TRPM3: variants seen among roughly 807,000 people sequenced by gnomAD.
TRPM3 encodes the protein transient receptor potential cation channel subfamily M member 3.
A neutral mutation model predicts 181.2 loss-of-function variants in TRPM3; 77 were observed. The observed-to-expected ratio is 0.42, with a 90% CI of 0.35 to 0.51. TRPM3 has a LOEUF of 0.51. TRPM3 is among the 20% of genes least tolerant of loss of function. The probability of loss-of-function intolerance (pLI) is 0.01; values close to 1 mark genes in which losing one functional copy is unlikely to be tolerated. For missense variants in TRPM3, 1,759 were observed against 2,196.7 expected (o/e 0.80, Z 3.98); for synonymous variants, 745 against 796.4 (o/e 0.94, Z 1.09).
intron 6 of TRPM3, among the ~76,000 whole-genome samples, chr9:70,796,611 A>G (rs983709166): frequency 1.4e-4 from 22 of 152,336 alleles, no homozygotes; most frequent in African/African-American, 5.1e-4. Flanking sequence ...TAAATTTGTC[A>G]ATCAACTATG....
intron 1 of TRPM3, among the ~76,000 whole-genome samples, chr9:71,041,984 A>G (rs2058878654): frequency 6.6e-6 from 1 of 152,202 alleles, no homozygotes; most frequent in Non-Finnish European, 1.5e-5. Flanking sequence ...TACCAATTTC[A>G]TGTGAGGTAC....
In TRPM3 at chr9:71,238,731, T is replaced by C. The variant is rs557878248; in HGVS notation, c.183+207922A>G. On this transcript the variant is annotated intron_variant, in intron 1 of 24. Transcript: ENST00000357533. ...GCCATGTGAAGGTTGTCAAGAAAAC[T>C]TATGAATACATTTAAGGGTAAGGGG... 8.5e-5 allele frequency among the ~76,000 whole-genome samples: 13 copies of C among 152,286 alleles called. 1 individual carries two copies. Among genetic ancestry groups the C allele is most frequent in the African/African-American group, 3.1e-4 (13 of 41,572 alleles).
rs559369963 is a variant in TRPM3, at chr9:71,281,955, G to A, written c.183+164698C>T. On this transcript the variant is annotated intron_variant, in intron 1 of 24. Coordinates refer to the TRPM3 transcript ENST00000357533. ...ACATGCCTGTAATCCTGGCTACTCGGGAGGCTGAGGCAGGAGAATCACTTG... is the reference window on the plus strand; with the variant it reads ...ACATGCCTGTAATCCTGGCTACTCGAGAGGCTGAGGCAGGAGAATCACTTG... 4.6e-5 allele frequency among the ~76,000 whole-genome samples: 7 copies of A among 152,220 alleles called. No individual in the cohort carries two copies. The South Asian group carries it at 1.5e-3, about 32-fold the overall frequency.
chr9:71,121,370 A>T lies in TRPM3; in HGVS notation c.-16T>A. 2 of 1,611,966 alleles carry T rather than the reference A, an allele frequency of 1.2e-6. No homozygotes were observed. The highest frequency in any genetic ancestry group is 1.7e-6 in the Non-Finnish European group (2 of 1,179,262). On this transcript the variant is annotated 5_prime_UTR_variant, in exon 1 of 26. Transcript: ENST00000677713. ...GCTCTGGCATCCCATGGTCATCTCC[A>T]CACCTGCAAATTCCATTAGGGCAGA...
At chr9:70,776,913 C>T (rs1478643101) in intron 7 of TRPM3, among the ~76,000 whole-genome samples, 5 of 152,162 alleles carry the variant, frequency 3.3e-5, no homozygotes, top group African/African-American at 7.2e-5. Context: ...TATACAGTTT[C>T]GTGGGCCCCA....
intron 1 of TRPM3, among the ~76,000 whole-genome samples, chr9:71,229,880 T>G: frequency 6.6e-6 from 1 of 151,938 alleles, no homozygotes. Context: ...TTTGGAGGTT[T>G]CTCAAAAAAC....
intron 1 of TRPM3, among the ~76,000 whole-genome samples, chr9:71,410,311 A>T (rs1004628681): frequency 2.5e-4 from 38 of 151,884 alleles, no homozygotes; most frequent in South Asian, 1.3e-3. Flanking sequence ...AAAAAAATCA[A>T]TGAATCCAGG....
chr9:71,280,307 G>A (rs1181384296), intron 1 of TRPM3, among the ~76,000 whole-genome samples: 1 of 152,114 alleles, frequency 6.6e-6, no homozygotes. Context: ...TTTCATTAGG[G>A]AAGTCTCATT....
At chr9:71,044,915 C>T (rs1290120583) in intron 1 of TRPM3, among the ~76,000 whole-genome samples, 1 of 152,094 alleles carries the variant, frequency 6.6e-6, no homozygotes, top group Non-Finnish European at 1.5e-5. Context: ...TCGTGATCCA[C>T]CCGCCTCGGC....
At chr9:71,027,000 C>T (rs1287133054) in intron 1 of TRPM3, among the ~76,000 whole-genome samples, 1 of 152,196 alleles carries the variant, frequency 6.6e-6, no homozygotes, top group East Asian at 1.9e-4. Context: ...GCTTGTGGCA[C>T]ATGCAAACAA....
intron 1 of TRPM3, among the ~76,000 whole-genome samples, chr9:71,096,159 T>G (rs2067152898): frequency 6.6e-6 from 1 of 151,818 alleles, no homozygotes; most frequent in Non-Finnish European, 1.5e-5. Flanking sequence ...GCTCCCATCT[T>G]AAAATAGACC....
At chr9:70,947,079 C>T (rs1292319061) in intron 1 of TRPM3, among the ~76,000 whole-genome samples, 1 of 152,144 alleles carries the variant, frequency 6.6e-6, no homozygotes, top group Non-Finnish European at 1.5e-5. Flanking sequence ...TGGCATATAC[C>T]TATGAGTGAA....
At chr9:71,101,579 T>A (rs527533832) in intron 1 of TRPM3, among the ~76,000 whole-genome samples, 1 of 152,224 alleles carries the variant, frequency 6.6e-6, no homozygotes, top group East Asian at 1.9e-4. Flanking sequence ...AATTGGCACA[T>A]AGCTGTGTTG....
chr9:70,616,181 C>T (rs191714267), intron 17 of TRPM3, 106 bp from the exon 18 acceptor site: 29 of 806,788 alleles, frequency 3.6e-5, no homozygotes, highest in Middle Eastern at 3.8e-4. Flanking sequence ...AGAGTGTATG[C>T]GTGTGTGTGT....
rs568399598 is a variant in TRPM3, at chr9:70,686,483, C to T, written c.1273-4905G>A. Among the ~76,000 whole-genome samples the T allele has an allele frequency of 5.3e-5, 8 of 152,200 alleles. No homozygotes were observed. The East Asian group carries it at 1.4e-3, about 26-fold the overall frequency. ...TATTATTCTGATTTTACTCTCAGGG[C>T]CCTTTCCTGTTCCCTGCCTTTATTT... On this transcript the variant is annotated intron_variant, in intron 8 of 25. Coordinates refer to ENST00000677713, the MANE Select transcript of TRPM3 (RefSeq NM_001366145.2).
Position 71,154,947 on chromosome 9 carries a change from C to T in TRPM3, c.184-290436G>A, listed in dbSNP as rs192411600. Among the ~76,000 whole-genome samples the T allele has an allele frequency of 4.8e-4, 73 of 152,234 alleles. 1 individual carries two copies. The highest frequency in any genetic ancestry group is 4.5e-3 in the Admixed American group (68 of 15,278). ...AACAAACTCACACAAAAAGCATTATCTTAAACTTTTTTTGACAGTCTAAAA... is the reference window on the plus strand; with the variant it reads ...AACAAACTCACACAAAAAGCATTATTTTAAACTTTTTTTGACAGTCTAAAA... On this transcript the variant is annotated intron_variant, in intron 1 of 24. Transcript: ENST00000357533.
chr9:71,410,650 C>T lies in TRPM3; in HGVS notation c.183+36003G>A, dbSNP rs182174996. ...CAACCAAAAAAAATCCAGGCCCAGA[C>T]GGATTCACAGCCAAATTCTACCAGA... On this transcript the variant is annotated intron_variant, in intron 1 of 24. Transcript: ENST00000357533. Among the ~76,000 whole-genome samples, 45 of 152,224 alleles carry T rather than the reference C, an allele frequency of 3.0e-4. 2 individuals are homozygous for T. Among genetic ancestry groups the T allele is most frequent in the Admixed American group, 1.1e-3 (17 of 15,274 alleles).
At chr9:70,965,579 T>C (rs2097177176) in intron 1 of TRPM3, among the ~76,000 whole-genome samples, 1 of 152,082 alleles carries the variant, frequency 6.6e-6, no homozygotes, top group Admixed American at 6.6e-5. Context: ...AGGAATCACA[T>C]TTATTGATTT....
chr9:70,617,547 C>T (rs1188810678), intron 17 of TRPM3, among the ~76,000 whole-genome samples: 1 of 152,114 alleles, frequency 6.6e-6, no homozygotes, highest in Non-Finnish European at 1.5e-5. Context: ...GTACTGTATA[C>T]TGGAAATATG....
Sources: allele counts gnomAD v4.1 joint callset (sites outside exome capture counted in the v4.1 genomes callset), GRCh38; gene constraint gnomAD v4.1.1; transcripts MANE v1.5; gene names NCBI Gene and HGNC (gene_info 2026-07-23, HGNC 2026-07-21).